Variants in MLLT10 observed in about 807,000 individuals in gnomAD.
MLLT10 encodes protein AF-10.
Under a neutral mutation model 129.1 loss-of-function variants are expected in MLLT10, and 30 were observed. That is an observed-to-expected ratio of 0.23 (90% CI 0.17 to 0.32). The LOEUF (loss-of-function observed/expected upper bound fraction) is 0.32, where lower values mean the gene tolerates loss of function less well. Ranked by LOEUF, MLLT10 falls within the 10% of genes least tolerant of loss-of-function variation. The pLI, the probability that MLLT10 is intolerant of heterozygous loss-of-function variation, is 1.00. For synonymous variants in MLLT10, 490 were observed against 446.4 expected (o/e 1.10, Z -1.23); for missense variants, 1,119 against 1,268.3 (o/e 0.88, Z 1.79).
At chr10:21,592,315 T>C (rs556189698) in intron 4 of MLLT10, among the ~76,000 whole-genome samples, 4 of 152,226 alleles carry the variant, frequency 2.6e-5, no homozygotes, top group African/African-American at 4.8e-5. Flanking sequence ...GAAAATTGTT[T>C]GGTGTTCCCT....
intron 9 of MLLT10, among the ~76,000 whole-genome samples, chr10:21,664,890 A>G (rs1402310493): frequency 6.7e-6 from 1 of 149,844 alleles, no homozygotes; most frequent in Non-Finnish European, 1.5e-5. Flanking sequence ...TTCTTTTCAC[A>G]TGCTTATACT....
chr10:21,698,238 G>A (rs891453783), intron 13 of MLLT10, among the ~76,000 whole-genome samples: 2 of 152,140 alleles, frequency 1.3e-5, no homozygotes, highest in Non-Finnish European at 2.9e-5. Context: ...ACTCTTGCCA[G>A]CCTCTGGTAT....
chr10:21,664,711 T>C (rs2050577505), intron 9 of MLLT10, among the ~76,000 whole-genome samples: 1 of 152,152 alleles, frequency 6.6e-6, no homozygotes, highest in Admixed American at 6.5e-5. Flanking sequence ...TTTGCTTGTT[T>C]GTTCTGTCAG....
chr10:21,624,902 T>C, intron 8 of MLLT10: 1 of 1,272,702 alleles, frequency 7.9e-7, no homozygotes, highest in Non-Finnish European at 1.1e-6. Flanking sequence ...GTGCCCCCTT[T>C]TGTGAATAGC....
At chr10:21,550,803 A>T (rs1226471803) in intron 3 of MLLT10, among the ~76,000 whole-genome samples, 1 of 152,088 alleles carries the variant, frequency 6.6e-6, no homozygotes, top group Non-Finnish European at 1.5e-5. Context: ...AAGTGCTGGG[A>T]TTACAGACGT....
rs573639267 is a variant in MLLT10 at position 21,673,523 on chromosome 10, G to C, written c.1225G>C (p.Gly409Arg). 253 of 1,613,416 alleles carry C rather than the reference G, an allele frequency of 1.6e-4. 1 individual carries two copies. The South Asian group carries it at 1.8e-3, about 11-fold the overall frequency. Reference sequence around the variant, plus strand: ...TAAAGGAGAGTCTGGAAGCCAGGAAGGGGGGGTAAATAGTTTTAGTACCTT... The same window carrying C: ...TAAAGGAGAGTCTGGAAGCCAGGAACGGGGGGTAAATAGTTTTAGTACCTT... ...VHKGESGSQEGGVNSFSTLIG... is the reference protein window; with the variant it reads ...VHKGESGSQERGVNSFSTLIG... Residue 409 changes from glycine (G) to arginine (R), a missense_variant, in exon 11 of 23, where the codon GGG (glycine) becomes CGG (arginine). Physicochemically the swap from Gly to Arg is moderately radical, Grantham distance 125. Coordinates refer to ENST00000307729, the MANE Select transcript of MLLT10 (RefSeq NM_001195626.3).
At chr10:21,633,492 G>T (rs931929674) in intron 8 of MLLT10, among the ~76,000 whole-genome samples, 2 of 152,172 alleles carry the variant, frequency 1.3e-5, no homozygotes, top group Admixed American at 1.3e-4. Flanking sequence ...AAGAGTTGGA[G>T]ACCAGCCTGG....
intron 8 of MLLT10, chr10:21,624,590 T>A: frequency 1.5e-6 from 2 of 1,363,174 alleles, no homozygotes; most frequent in Admixed American, 4.8e-5. Context: ...CTTACTTGTC[T>A]GCTTCCACTG....
chr10:21,669,082 G>A (rs1418635723), intron 9 of MLLT10: 1 of 1,324,344 alleles, frequency 7.6e-7, no homozygotes, highest in East Asian at 3.7e-5. Context: ...CAGCTTAAAT[G>A]TAATTGGTTT....
intron 8 of MLLT10, among the ~76,000 whole-genome samples, chr10:21,623,200 G>T (rs1172781177): frequency 6.6e-6 from 1 of 152,122 alleles, no homozygotes; most frequent in East Asian, 1.9e-4. Context: ...TTATTAAATC[G>T]TTGGTCATTG....
intron 5 of MLLT10, among the ~76,000 whole-genome samples, chr10:21,610,851 T>C (rs1367516066): frequency 6.6e-6 from 1 of 151,940 alleles, no homozygotes; most frequent in Non-Finnish European, 1.5e-5. Flanking sequence ...CCATTGTAAC[T>C]AGTACTTAGG....
intron 7 of MLLT10, among the ~76,000 whole-genome samples, chr10:21,615,615 A>G (rs2045175697): frequency 6.6e-6 from 1 of 152,058 alleles, no homozygotes; most frequent in Admixed American, 6.6e-5. Context: ...TTTTGTGATT[A>G]TCACTTTGTT....
intron 5 of MLLT10, among the ~76,000 whole-genome samples, chr10:21,603,492 C>T (rs2043759716): frequency 6.6e-6 from 1 of 152,156 alleles, no homozygotes; most frequent in Non-Finnish European, 1.5e-5. Context: ...CTTATTATAA[C>T]ATTCGTTTAT....
Position 21,586,276 on chromosome 10 carries a change from CTTT to C in MLLT10, c.241-7_241-5del, listed in dbSNP as rs750892285. On this transcript the variant is annotated splice_polypyrimidine_tract_variant and intron_variant, in intron 3 of 22. Coordinates refer to ENST00000307729, the MANE Select transcript of MLLT10 (RefSeq NM_001195626.3). ...AATCTGAAATATTCATTACCTGTTTCTTTTTTTTTTTTTATAGAGATGTGAACT... is the reference window on the plus strand; with the variant it reads ...AATCTGAAATATTCATTACCTGTTTCTTTTTTTTTTATAGAGATGTGAACT... 57 of 1,292,614 alleles carry C rather than the reference CTTT, an allele frequency of 4.4e-5. No individual in the cohort carries two copies. The highest frequency in any genetic ancestry group is 9.2e-5 in the Admixed American group (4 of 43,630). 80.1% of individuals were successfully genotyped at this position (1,292,614 alleles called of 1,614,324 possible). A position where few individuals can be genotyped will look rare whatever the true frequency, so the allele number is the denominator to read the frequency against.
rs1335247250 is a variant in MLLT10 at position 21,539,091 on chromosome 10, A to G, written c.240+179A>G. 6.0e-6 allele frequency: 3 copies of G among 498,130 alleles called. No individual in the cohort carries two copies. In the East Asian group the frequency reaches 9.1e-5, roughly 15 times the overall value. 30.9% of individuals were successfully genotyped at this position (498,130 alleles called of 1,614,324 possible). ...ACAGATTTTGTAAAACTGAAAAACAAATGGAATCAAGTGAGTATATTTTGG... is the reference window on the plus strand; with the variant it reads ...ACAGATTTTGTAAAACTGAAAAACAGATGGAATCAAGTGAGTATATTTTGG... On this transcript the variant is annotated intron_variant, in intron 3 of 22. Transcript: ENST00000307729.
At chr10:21,696,925 T>A (rs2131456610) in intron 13 of MLLT10, among the ~76,000 whole-genome samples, 1 of 152,246 alleles carries the variant, frequency 6.6e-6, no homozygotes, top group South Asian at 2.1e-4. Context: ...TGCTTAAAAA[T>A]GTTTTAATGG....
chr10:21,695,497 TC>T (rs1314438097), intron 13 of MLLT10, among the ~76,000 whole-genome samples: 1 of 152,212 alleles, frequency 6.6e-6, no homozygotes, highest in Non-Finnish European at 1.5e-5. Flanking sequence ...TACTCTGTGT[TC>T]TTCTTTTTTA....
At chr10:21,546,968 G>A (rs1293136497) in intron 3 of MLLT10, among the ~76,000 whole-genome samples, 2 of 151,674 alleles carry the variant, frequency 1.3e-5, no homozygotes, top group Non-Finnish European at 2.9e-5. Context: ...GGTGATCCAC[G>A]TGCCTCAGCG....
intron 12 of MLLT10, among the ~76,000 whole-genome samples, chr10:21,682,014 T>G (rs2052788946): frequency 6.6e-6 from 1 of 152,202 alleles, no homozygotes; most frequent in African/African-American, 2.4e-5. Context: ...ATATCTCAAT[T>G]TAGTTGGTAA....
Sources: gnomAD v4.1 joint callset for allele counts (sites outside exome capture counted in the v4.1 genomes callset) on GRCh38, gnomAD v4.1.1 for gene constraint, MANE v1.5 for transcripts, NCBI Gene and HGNC (gene_info 2026-07-23, HGNC 2026-07-21) for gene names.